TRMT1L: variants seen among roughly 807,000 people sequenced by gnomAD.
The protein encoded by TRMT1L is tRNA (guanine(27)-N(2))-dimethyltransferase.
TRMT1L carries 28 observed loss-of-function variants against 81.6 expected under a neutral mutation model. That is an observed-to-expected ratio of 0.34 (90% CI 0.25 to 0.47). The LOEUF is 0.47. Among genes scored for constraint, TRMT1L ranks in the 20% least tolerant of loss-of-function variants. TRMT1L has a pLI of 1.00. For missense variants in TRMT1L, 739 were observed against 877.1 expected, an observed-to-expected ratio of 0.84 and a Z score of 1.99; for synonymous variants, 301 against 303.2, an observed-to-expected ratio of 0.99 and a Z score of 0.07.
chr1:185,154,281 A>G (rs1425089052), intron 1 of TRMT1L, among the ~76,000 whole-genome samples: 1 of 152,050 alleles, frequency 6.6e-6, no homozygotes, highest in Non-Finnish European at 1.5e-5. Context: ...GCAGCCTCAA[A>G]CTCCTGGGCT....
intron 10 of TRMT1L, among the ~76,000 whole-genome samples, chr1:185,132,477 C>A (rs188623640): frequency 6.6e-6 from 1 of 151,432 alleles, no homozygotes; most frequent in East Asian, 1.9e-4. Context: ...TGATATCATG[C>A]CACTGCACTC....
intron 10 of TRMT1L, among the ~76,000 whole-genome samples, chr1:185,133,500 T>C (rs1025398468): frequency 7.2e-5 from 11 of 152,056 alleles, no homozygotes; most frequent in Middle Eastern, 3.4e-3. Context: ...ACAACTAAAA[T>C]ATGGCAAAAG....
chr1:185,131,139 A>AT (rs1234319124), intron 10 of TRMT1L, among the ~76,000 whole-genome samples: 1 of 151,978 alleles, frequency 6.6e-6, no homozygotes, highest in African/African-American at 2.4e-5. Context: ...AGCTGGGACT[A>AT]TTGGTGCCCG....
intron 13 of TRMT1L, chr1:185,120,897 C>T (rs1652484864): frequency 6.5e-6 from 1 of 154,050 alleles, no homozygotes; most frequent in South Asian, 2.1e-4. Flanking sequence ...TCCTTTCTCC[C>T]CAAGTTATAT....
chr1:185,137,864 A>C, intron 9 of TRMT1L, 68 bp from the exon 10 acceptor site: 1 of 1,493,426 alleles, frequency 6.7e-7, no homozygotes, highest in Non-Finnish European at 9.2e-7. Context: ...TATACTGACA[A>C]TATTAACCTG....
intron 3 of TRMT1L, among the ~76,000 whole-genome samples, chr1:185,149,161 T>A (rs1273131933): frequency 6.6e-6 from 1 of 152,200 alleles, no homozygotes; most frequent in Non-Finnish European, 1.5e-5. Flanking sequence ...CTCATTTCAA[T>A]GGCTACATAA....
At chr1:185,151,517 A>G (rs1653349366) in intron 2 of TRMT1L, among the ~76,000 whole-genome samples, 1 of 152,120 alleles carries the variant, frequency 6.6e-6, no homozygotes, top group Non-Finnish European at 1.5e-5. Flanking sequence ...CAGAATATTA[A>G]CCTCTTAAGA....
At chr1:185,144,129 T>C in intron 5 of TRMT1L, 100 bp from the exon 6 acceptor site, 1 of 1,150,500 alleles carries the variant, frequency 8.7e-7, no homozygotes, top group Non-Finnish European at 1.2e-6. Flanking sequence ...TCTAAAACAA[T>C]AAATATACAT....
At chr1:185,145,410 T>G (rs1482207837) in intron 5 of TRMT1L, 29 bp downstream of exon 5, 2 of 1,588,102 alleles carry the variant, frequency 1.3e-6, no homozygotes, top group Admixed American at 1.7e-5. Context: ...ATTTACATAT[T>G]AATATGTTAA....
At chr1:185,142,149 C>T (rs1227440375) in intron 7 of TRMT1L, among the ~76,000 whole-genome samples, 1 of 152,198 alleles carries the variant, frequency 6.6e-6, no homozygotes. Flanking sequence ...AGCATCACCT[C>T]ATCACTTTTA....
chr1:185,152,594 A>C (rs942765763), intron 1 of TRMT1L, among the ~76,000 whole-genome samples: 11 of 152,212 alleles, frequency 7.2e-5, no homozygotes, highest in Non-Finnish European at 1.6e-4. Flanking sequence ...TCAGGAGGCT[A>C]TCTCTGCCAG....
At chr1:185,138,059 CT>C (rs1356895536) in intron 9 of TRMT1L, among the ~76,000 whole-genome samples, 2 of 152,258 alleles carry the variant, frequency 1.3e-5, no homozygotes, top group African/African-American at 4.8e-5. Context: ...GCAATATTTT[CT>C]GGTTTTCAGT....
intron 10 of TRMT1L, among the ~76,000 whole-genome samples, chr1:185,135,781 C>T (rs1652886331): frequency 6.6e-6 from 1 of 151,832 alleles, no homozygotes; most frequent in Non-Finnish European, 1.5e-5. Context: ...CAAAGCCCAA[C>T]TAAAATTATG....
Position 185,144,028 on chromosome 1 carries a change from AGCT to A in TRMT1L, c.656-2_656del. On this transcript the variant is annotated splice_acceptor_variant and coding_sequence_variant, in exon 6 of 15. Coordinates refer to ENST00000367506, the MANE Select transcript of TRMT1L (RefSeq NM_030934.5). LOFTEE classifies it high-confidence loss of function. ...TTTCCTTAGGTGGTTTAGCAGTGGA[AGCT>A]AAGATGGAAAAAAGAAAAGATTTCC... The A allele has an allele frequency of 1.3e-6, 2 of 1,574,570 alleles. No individual in the cohort carries two copies. Among genetic ancestry groups the A allele is most frequent in the Admixed American group, 1.9e-5 (1 of 52,548 alleles).
rs575015258 is a variant in TRMT1L, at chr1:185,151,581, C to T, written c.346+244G>A. Among the ~76,000 whole-genome samples the T allele has an allele frequency of 1.4e-4, 21 of 152,122 alleles. No homozygotes were observed. In the East Asian group the frequency reaches 3.5e-3, roughly 25 times the overall value. ...TAGCCAAATGCCATTCCTAACTTGC[C>T]GAATAGACAGCCCCTAGACATCCGT... On this transcript the variant is annotated intron_variant, in intron 2 of 14. Coordinates refer to ENST00000367506, the MANE Select transcript of TRMT1L (RefSeq NM_030934.5).
upstream of TRMT1L, chr1:185,157,112 G>C (rs577249969): frequency 2.0e-4 from 38 of 188,368 alleles, no homozygotes; most frequent in African/African-American, 8.7e-4. Context: ...GGCGGGGCCG[G>C]AGTTCAAGCC....
chr1:185,156,342 C>T (rs1653561399), intron 1 of TRMT1L, 136 bp downstream of exon 1: 9 of 1,588,746 alleles, frequency 5.7e-6, no homozygotes, highest in Non-Finnish European at 7.7e-6. Context: ...CTACACGGGC[C>T]CCTCTTTCCT....
chr1:185,143,531 C>T lies in TRMT1L; in HGVS notation c.780-95G>A, dbSNP rs1653105307. ...AATAGTGAACTGAAGTTCCTAGTTA[C>T]TGTACAAACTATTTCAAAAGGAGAC... On this transcript the variant is annotated intron_variant, in intron 6 of 14. Coordinates refer to ENST00000367506, the MANE Select transcript of TRMT1L (RefSeq NM_030934.5). The T allele has an allele frequency of 1.4e-5, 14 of 1,029,338 alleles. No homozygotes were observed. The South Asian group carries it at 2.4e-4, about 18-fold the overall frequency. 63.8% of individuals were successfully genotyped at this position (1,029,338 alleles called of 1,614,324 possible).
At position 185,128,674 on chromosome 1, in the gene TRMT1L, A is replaced by G; in HGVS notation, c.1587T>C (p.Pro529=). ...MPGKTAIELG[P]LWSSSLFNTG... ...TCTTATGGCTGGTCACATACCACAGAGGTCCAAGTTCTATTGCTGTCTTTC... is the reference window on the plus strand; with the variant it reads ...TCTTATGGCTGGTCACATACCACAGGGGTCCAAGTTCTATTGCTGTCTTTC... Residue 529 remains proline, a synonymous_variant, in exon 11 of 15, where the codon CCT becomes CCC. Transcript: ENST00000367506. The G allele has an allele frequency of 1.2e-6, 2 of 1,612,878 alleles. No homozygotes were observed. Among genetic ancestry groups the G allele is most frequent in the East Asian group, 4.5e-5 (2 of 44,718 alleles).
Sources: gnomAD v4.1 joint callset for allele counts (sites outside exome capture counted in the v4.1 genomes callset) on GRCh38, gnomAD v4.1.1 for gene constraint, MANE v1.5 for transcripts, NCBI Gene and HGNC (gene_info 2026-07-23, HGNC 2026-07-21) for gene names.